Variants in CHLSN observed in about 807,000 individuals in gnomAD.
CHLSN encodes the protein protein cholesin.
the CHLSN span, among the ~76,000 whole-genome samples, chr7:1,110,098 C>G: frequency 1.2e-4 from 19 of 152,200 alleles, no homozygotes; most frequent in South Asian, 1.2e-3. Flanking sequence ...CAGAGGCGAG[C>G]GGGTGCCCAC....
the CHLSN span, among the ~76,000 whole-genome samples, chr7:1,071,346 C>G: frequency 1.3e-5 from 2 of 152,154 alleles, no homozygotes; most frequent in African/African-American, 4.8e-5. Flanking sequence ...AGTGGTGAAA[C>G]CGGAAGGTGC....
At chr7:1,082,884 AAAG>A in the CHLSN span, among the ~76,000 whole-genome samples, 1 of 152,226 alleles carries the variant, frequency 6.6e-6, no homozygotes, top group South Asian at 2.1e-4. Flanking sequence ...GCATTTATCC[AAAG>A]AAAGGGTTCA....
the CHLSN span, chr7:988,382 T>C: frequency 6.2e-7 from 1 of 1,612,654 alleles, no homozygotes; most frequent in Non-Finnish European, 8.5e-7. Flanking sequence ...GAATGGGCAC[T>C]TTGTGAAGCG....
the CHLSN span, among the ~76,000 whole-genome samples, chr7:1,048,224 T>A: frequency 3.9e-5 from 6 of 152,260 alleles, no homozygotes; most frequent in East Asian, 1.2e-3. Context: ...ACCCGGAAAC[T>A]TCGTGGGGAT....
the CHLSN span, among the ~76,000 whole-genome samples, chr7:992,707 G>A: frequency 6.6e-6 from 1 of 152,356 alleles, no homozygotes; most frequent in Admixed American, 6.5e-5. Flanking sequence ...TGATTGCTGG[G>A]GCTCCCTCAG....
the CHLSN span, among the ~76,000 whole-genome samples, chr7:1,016,025 C>A: frequency 0.031 from 4,533 of 145,416 alleles, 330 homozygotes; most frequent in African/African-American, 0.043. Context: ...AGACAAAACA[C>A]GCTCCCCCTC....
At chr7:991,481 A>AGGGG in the CHLSN span, among the ~76,000 whole-genome samples, 1 of 148,600 alleles carries the variant, frequency 6.7e-6, no homozygotes. Context: ...TGGGGCGGGC[A>AGGGG]GGAGGGAAGG....
chr7:1,092,826 G>C, the CHLSN span: 1 of 1,613,248 alleles, frequency 6.2e-7, no homozygotes, highest in East Asian at 2.2e-5. Context: ...GCACCGAGCA[G>C]TCGGATGTGA....
the CHLSN span, among the ~76,000 whole-genome samples, chr7:1,047,540 T>C: frequency 6.6e-6 from 1 of 152,206 alleles, no homozygotes; most frequent in Non-Finnish European, 1.5e-5. Context: ...AGGAGCTGGA[T>C]GTTAATTGTT....
chr7:1,120,888 A>G, the CHLSN span, among the ~76,000 whole-genome samples: 2 of 151,682 alleles, frequency 1.3e-5, no homozygotes, highest in African/African-American at 2.4e-5. Context: ...ACAGGGCAGC[A>G]GGGCCGACAG....
At chr7:1,093,839 T>G in the CHLSN span, 1 of 337,800 alleles carries the variant, frequency 3.0e-6, no homozygotes, top group South Asian at 2.3e-5. Flanking sequence ...CTTGGGGGTC[T>G]GCCAAGTGGG....
chr7:1,094,124 G>A, the CHLSN span, among the ~76,000 whole-genome samples: 211 of 152,342 alleles, frequency 1.4e-3, no homozygotes, highest in African/African-American at 4.8e-3. Flanking sequence ...GAAGGCTCTC[G>A]GCCGCGTGCG....
the CHLSN span, chr7:986,380 G>C: frequency 5.3e-5 from 30 of 563,330 alleles, no homozygotes; most frequent in Admixed American, 9.3e-4. Context: ...CCCTCTCCAG[G>C]ATGGAAGGAG....
At chr7:1,015,168 G>T in the CHLSN span, among the ~76,000 whole-genome samples, 2 of 152,232 alleles carry the variant, frequency 1.3e-5, no homozygotes, top group Admixed American at 6.5e-5. Flanking sequence ...GAAGTGACCT[G>T]GGTGGCTCCT....
At chr7:987,482 C>G in the CHLSN span, 2 of 1,555,098 alleles carry the variant, frequency 1.3e-6, no homozygotes, top group Middle Eastern at 1.7e-4. Flanking sequence ...CCGCACGTGC[C>G]CCGCTGCACC....
the CHLSN span, chr7:997,707 C>A: frequency 6.2e-7 from 1 of 1,611,226 alleles, no homozygotes; most frequent in African/African-American, 1.3e-5. Context: ...ATCCAGCTCC[C>A]GCATCAGGGC....
chr7:1,034,425 C>G, the CHLSN span, among the ~76,000 whole-genome samples: 1 of 151,346 alleles, frequency 6.6e-6, no homozygotes, highest in African/African-American at 2.4e-5. Flanking sequence ...CAAGATTATT[C>G]TAAAACGTAT....
At chr7:1,120,614 C>T in the CHLSN span, among the ~76,000 whole-genome samples, 2 of 152,196 alleles carry the variant, frequency 1.3e-5, no homozygotes, top group Non-Finnish European at 2.9e-5. Context: ...AAAAAATTAA[C>T]CACGCACTTA....
chr7:1,127,395 G>A, the CHLSN span: 13 of 1,596,110 alleles, frequency 8.1e-6, no homozygotes, highest in Middle Eastern at 3.3e-4. Flanking sequence ...TCCTGCAACA[G>A]AGAAAGTAAA....
Sources: allele counts gnomAD v4.1 joint callset (sites outside exome capture counted in the v4.1 genomes callset), GRCh38; gene constraint gnomAD v4.1.1; transcripts MANE v1.5; gene names NCBI Gene and HGNC (gene_info 2026-07-23, HGNC 2026-07-21).